RPS6KC1: variants seen among roughly 807,000 people sequenced by gnomAD.
The protein encoded by RPS6KC1 is inactive ribosomal protein S6 kinase delta-1.
A neutral mutation model predicts 103.8 loss-of-function variants in RPS6KC1; 54 were observed. The ratio of observed to expected loss-of-function variants is 0.52; its 90% CI spans 0.42 to 0.65. The LOEUF is 0.65. RPS6KC1 is among the 30% of genes least tolerant of loss of function. RPS6KC1 has a pLI of 0.00. For missense variants in RPS6KC1, 1,151 were observed against 1,253.8 expected (o/e 0.92, Z 1.24); for synonymous variants, 439 against 438.7 (o/e 1.00, Z -0.01).
the RPS6KC1 span, among the ~76,000 whole-genome samples, chr1:213,501,683 G>A: frequency 2.7e-5 from 4 of 149,026 alleles, no homozygotes; most frequent in Admixed American, 6.7e-5. Flanking sequence ...TGCAGTGAGC[G>A]AAGATTGCAC....
chr1:213,807,608 T>C, the RPS6KC1 span, among the ~76,000 whole-genome samples: 14,428 of 152,024 alleles, frequency 0.095, 1,161 homozygotes, highest in East Asian at 0.21. Flanking sequence ...ACGTAGTTCT[T>C]GAGCCTTGGC....
the RPS6KC1 span, among the ~76,000 whole-genome samples, chr1:213,518,971 C>A: frequency 6.6e-6 from 1 of 152,070 alleles, no homozygotes; most frequent in Non-Finnish European, 1.5e-5. Context: ...CTCAGACGAC[C>A]CATTCATTTT....
chr1:213,830,502 G>C, the RPS6KC1 span, among the ~76,000 whole-genome samples: 1 of 151,984 alleles, frequency 6.6e-6, no homozygotes, highest in Admixed American at 6.6e-5. Context: ...AAGTGTGGTG[G>C]CCCTTCATTG....
chr1:213,571,193 T>C, the RPS6KC1 span, among the ~76,000 whole-genome samples: 2 of 152,200 alleles, frequency 1.3e-5, no homozygotes, highest in East Asian at 3.9e-4. Context: ...GGAGGGTTTT[T>C]TGGGAAAGAT....
the RPS6KC1 span, among the ~76,000 whole-genome samples, chr1:213,570,419 G>A: frequency 7.2e-5 from 11 of 152,118 alleles, no homozygotes; most frequent in East Asian, 7.7e-4. Flanking sequence ...CCCTTGTTAC[G>A]GACCCACGTC....
chr1:213,623,045 A>G, the RPS6KC1 span, among the ~76,000 whole-genome samples: 1 of 152,162 alleles, frequency 6.6e-6, no homozygotes, highest in Non-Finnish European at 1.5e-5. Flanking sequence ...ATCTTCAGAT[A>G]TGCCTCGATC....
the RPS6KC1 span, among the ~76,000 whole-genome samples, chr1:213,636,592 T>C: frequency 5.6e-3 from 856 of 152,280 alleles, 4 homozygotes; most frequent in African/African-American, 0.02. Flanking sequence ...ATCCCTTCCT[T>C]ACACCTTATA....
At chr1:213,250,148 G>A (rs2094521131) in intron 12 of RPS6KC1, among the ~76,000 whole-genome samples, 1 of 152,158 alleles carries the variant, frequency 6.6e-6, no homozygotes, top group African/African-American at 2.4e-5. Flanking sequence ...GTGGTGGCAG[G>A]AAGCGAGGCT....
At chr1:213,276,223 G>T (rs2095112212), downstream of RPS6KC1, among the ~76,000 whole-genome samples, 1 of 152,176 alleles carries the variant, frequency 6.6e-6, no homozygotes, top group Admixed American at 6.5e-5. Context: ...AGAGCCCTGA[G>T]ATTCTGCCTC....
At chr1:213,256,299 T>C (rs1392424087) in intron 12 of RPS6KC1, among the ~76,000 whole-genome samples, 1 of 151,956 alleles carries the variant, frequency 6.6e-6, no homozygotes, top group Admixed American at 6.6e-5. Context: ...CCAGGAAAGA[T>C]GGAAAATGGG....
the RPS6KC1 span, among the ~76,000 whole-genome samples, chr1:213,319,018 C>A: frequency 2.0e-5 from 3 of 152,080 alleles, no homozygotes; most frequent in Non-Finnish European, 4.4e-5. Flanking sequence ...AAGAAGTAAG[C>A]AAGGTAGCTG....
rs140672126 is a variant in RPS6KC1 at position 213,241,165 on chromosome 1, A to G, written c.1689A>G (p.Thr563=). 754 of 1,613,936 alleles carry G rather than the reference A, an allele frequency of 4.7e-4. No homozygotes were observed. The highest frequency in any genetic ancestry group is 2.1e-3 in the Middle Eastern group (13 of 6,058). The change falls in exon 11 of 15, where the codon ACA becomes ACG. Residue 563 remains threonine (T), a synonymous_variant. Transcript: ENST00000366960. The stretch of plus-strand genomic sequence containing the variant: ...CTGCTGACAGTGACAGCCCCAGCAC[A>G]CAGCTGAGAGCTCACGAGCTGAAGT... ...HLAADSDSPS[T]QLRAHELKFF...
the RPS6KC1 span, among the ~76,000 whole-genome samples, chr1:213,473,590 T>A: frequency 6.6e-6 from 1 of 152,282 alleles, no homozygotes; most frequent in South Asian, 2.1e-4. Flanking sequence ...TTAAGCAAAT[T>A]CCTAGGAGGG....
chr1:213,081,692 C>G (rs1468041626), intron 3 of RPS6KC1, among the ~76,000 whole-genome samples: 1 of 150,600 alleles, frequency 6.6e-6, no homozygotes, highest in Non-Finnish European at 1.5e-5. Context: ...CATAACTTGC[C>G]CTGAGGGATA....
chr1:213,629,200 A>T, the RPS6KC1 span, among the ~76,000 whole-genome samples: 1 of 152,190 alleles, frequency 6.6e-6, no homozygotes, highest in East Asian at 1.9e-4. Flanking sequence ...GTCTCCCATT[A>T]TTAATGTGTG....
chr1:213,255,958 T>A (rs2094633877), intron 12 of RPS6KC1, among the ~76,000 whole-genome samples: 1 of 152,236 alleles, frequency 6.6e-6, no homozygotes. Flanking sequence ...AATCACTGCT[T>A]GATATAAAGT....
the RPS6KC1 span, among the ~76,000 whole-genome samples, chr1:213,706,769 A>G: frequency 4.6e-5 from 7 of 151,882 alleles, no homozygotes; most frequent in African/African-American, 7.3e-5. Context: ...TCATTGTTCA[A>G]TTCTCACTTA....
chr1:213,670,538 C>T, the RPS6KC1 span, among the ~76,000 whole-genome samples: 1 of 152,232 alleles, frequency 6.6e-6, no homozygotes, highest in Non-Finnish European at 1.5e-5. Flanking sequence ...ATCAAAGGCT[C>T]CTTGCTCTCA....
the RPS6KC1 span, among the ~76,000 whole-genome samples, chr1:213,528,746 C>T: frequency 1.3e-5 from 2 of 152,236 alleles, no homozygotes; most frequent in African/African-American, 4.8e-5. Flanking sequence ...GGTCTGCTCC[C>T]CTATGCTTGG....
Sources: gnomAD v4.1 joint callset for allele counts (sites outside exome capture counted in the v4.1 genomes callset) on GRCh38, gnomAD v4.1.1 for gene constraint, MANE v1.5 for transcripts, NCBI Gene and HGNC (gene_info 2026-07-23, HGNC 2026-07-21) for gene names.